RAB2A: variants seen among roughly 807,000 people sequenced by gnomAD.
RAB2A encodes RAB2A, member RAS oncogene family.
Under a neutral mutation model 32.5 loss-of-function variants are expected in RAB2A, and 7 were observed. The observed-to-expected ratio is 0.22, with a 90% CI of 0.12 to 0.40. The LOEUF (loss-of-function observed/expected upper bound fraction) is 0.40, where lower values mean the gene tolerates loss of function less well. Among genes scored for constraint, RAB2A ranks in the 10% least tolerant of loss-of-function variants. The pLI is 1.00. For missense variants in RAB2A, 108 were observed against 260.7 expected, an observed-to-expected ratio of 0.41 and a Z score of 4.03; for synonymous variants, 79 against 85.2, an observed-to-expected ratio of 0.93 and a Z score of 0.40.
chr8:60,556,459 T>TA (rs1807939647), intron 1 of RAB2A, among the ~76,000 whole-genome samples: 1 of 151,968 alleles, frequency 6.6e-6, no homozygotes, highest in South Asian at 2.1e-4. Context: ...ATATCACTCT[T>TA]ATAAATAAGT....
At chr8:60,605,783 A>C (rs762772821) in intron 6 of RAB2A, among the ~76,000 whole-genome samples, 12 of 149,928 alleles carry the variant, frequency 8.0e-5, no homozygotes, top group Non-Finnish European at 1.6e-4. Flanking sequence ...TGTATCTTGA[A>C]AGTAGCTAAC....
At chr8:60,587,349 A>C (rs946849638) in intron 5 of RAB2A, among the ~76,000 whole-genome samples, 7 of 152,220 alleles carry the variant, frequency 4.6e-5, no homozygotes, top group Non-Finnish European at 8.8e-5. Flanking sequence ...TATACCATTT[A>C]CAAAAATTAA....
intron 2 of RAB2A, among the ~76,000 whole-genome samples, chr8:60,566,810 G>A (rs1190694354): frequency 6.6e-6 from 1 of 152,000 alleles, no homozygotes; most frequent in Non-Finnish European, 1.5e-5. Context: ...CCATCTTTAT[G>A]TCTGTCTGTA....
At chr8:60,588,197 C>T (rs1803879707) in intron 5 of RAB2A, among the ~76,000 whole-genome samples, 1 of 152,110 alleles carries the variant, frequency 6.6e-6, no homozygotes, top group South Asian at 2.1e-4. Flanking sequence ...GTGGTAGGAT[C>T]ACTTAAGCCT....
chr8:60,549,421 C>T (rs544406176), intron 1 of RAB2A, among the ~76,000 whole-genome samples: 3 of 152,036 alleles, frequency 2.0e-5, no homozygotes, highest in East Asian at 3.9e-4. Context: ...GCGGATCACT[C>T]GCGGTTAGGA....
At position 60,543,331 on chromosome 8, in the gene RAB2A, G is replaced by A. The variant is rs543999477; in HGVS notation, c.47-15521G>A. Among the ~76,000 whole-genome samples the A allele has an allele frequency of 4.3e-5, 6 of 139,024 alleles. No homozygotes were observed. The South Asian group carries it at 6.4e-4, about 15-fold the overall frequency. The allele number at this position is 139,024 out of a possible 152,430, so 91.2% of individuals were successfully genotyped here. A position where few individuals can be genotyped will look rare whatever the true frequency, so the allele number is the denominator to read the frequency against. ...CTTCCAGCTTGTGGTGGCTCCAAGC[G>A]TTCATTGGCTTCTGGCAGCAGAACT... On this transcript the variant is annotated intron_variant, in intron 1 of 7. Transcript: ENST00000262646.
chr8:60,573,763 T>C (rs1808229382), intron 3 of RAB2A, among the ~76,000 whole-genome samples: 1 of 152,262 alleles, frequency 6.6e-6, no homozygotes, highest in South Asian at 2.1e-4. Flanking sequence ...AAACATTTTC[T>C]ACTTCTGTAT....
intron 2 of RAB2A, among the ~76,000 whole-genome samples, chr8:60,561,726 T>C (rs1217544028): frequency 6.6e-6 from 1 of 152,206 alleles, no homozygotes; most frequent in Non-Finnish European, 1.5e-5. Flanking sequence ...GGCTCACTTA[T>C]CTCTTGTTCT....
intron 2 of RAB2A, among the ~76,000 whole-genome samples, chr8:60,562,318 TA>T (rs60440859): frequency 0.063 from 9,584 of 152,248 alleles, 788 homozygotes; most frequent in African/African-American, 0.19. Flanking sequence ...CCATTGTTCA[TA>T]ATCAGGATTA....
chr8:60,606,871 C>T (rs1586112242), intron 6 of RAB2A, among the ~76,000 whole-genome samples: 1 of 152,210 alleles, frequency 6.6e-6, no homozygotes. Context: ...GTTCTTCCCT[C>T]TTAGGGCCTC....
chr8:60,547,460 C>T (rs1807751731), intron 1 of RAB2A, among the ~76,000 whole-genome samples: 1 of 152,032 alleles, frequency 6.6e-6, no homozygotes, highest in Non-Finnish European at 1.5e-5. Flanking sequence ...TCCTCACTTC[C>T]CAGTAGGCGC....
intron 2 of RAB2A, among the ~76,000 whole-genome samples, chr8:60,562,724 AT>A (rs1808042757): frequency 6.6e-6 from 1 of 152,170 alleles, no homozygotes; most frequent in African/African-American, 2.4e-5. Context: ...CTTAATGTTC[AT>A]TGTCGATAAT....
chr8:60,615,875 TAGTC>T (rs967410750), intron 6 of RAB2A, among the ~76,000 whole-genome samples: 1 of 152,188 alleles, frequency 6.6e-6, no homozygotes, highest in Non-Finnish European at 1.5e-5. Context: ...TCATTAAAAT[TAGTC>T]ATTAATCACT....
At position 60,517,127 on chromosome 8, in the gene RAB2A, A is replaced by G; in HGVS notation, c.-81A>G. The stretch of plus-strand genomic sequence containing the variant: ...GGCGGCGCCTGGCGTTTCGAGGCTG[A>G]GCGGCACCGGGGTTGGGGCGCGGAG... On this transcript the variant is annotated 5_prime_UTR_variant, in exon 1 of 8. Coordinates refer to ENST00000262646, the MANE Select transcript of RAB2A (RefSeq NM_002865.3). The G allele has an allele frequency of 7.2e-7, 1 of 1,389,614 alleles. No individual in the cohort carries two copies. The highest frequency in any genetic ancestry group is 9.5e-7 in the Non-Finnish European group (1 of 1,052,900). 86.1% of individuals were successfully genotyped at this position (1,389,614 alleles called of 1,614,324 possible).
chr8:60,617,018 T>C (rs913470309), intron 6 of RAB2A, among the ~76,000 whole-genome samples: 6 of 152,226 alleles, frequency 3.9e-5, no homozygotes, highest in Non-Finnish European at 8.8e-5. Flanking sequence ...TTAAATTAGG[T>C]CTGTATCAGT....
intron 2 of RAB2A, among the ~76,000 whole-genome samples, chr8:60,567,111 CT>C (rs988519189): frequency 2.0e-4 from 29 of 147,756 alleles, no homozygotes; most frequent in African/African-American, 5.4e-4. Flanking sequence ...GTTCATCTTT[CT>C]TTTTTTCTTT....
chr8:60,552,952 T>C (rs1482350927), intron 1 of RAB2A: 5 of 152,226 alleles, frequency 3.3e-5, no homozygotes, highest in African/African-American at 1.2e-4. Flanking sequence ...CGTTCTGTTA[T>C]GGGAGAGCCT....
intron 6 of RAB2A, among the ~76,000 whole-genome samples, chr8:60,603,361 G>A (rs543051441): frequency 6.6e-6 from 1 of 152,322 alleles, no homozygotes; most frequent in East Asian, 1.9e-4. Context: ...AACTGTTACA[G>A]TTCCCTGTAA....
chr8:60,550,595 C>A (rs1262184251), intron 1 of RAB2A, among the ~76,000 whole-genome samples: 1 of 152,022 alleles, frequency 6.6e-6, no homozygotes, highest in Non-Finnish European at 1.5e-5. Flanking sequence ...CCATGTAGTC[C>A]AGGCTGGTCT....
Sources: gnomAD v4.1 joint callset for allele counts (sites outside exome capture counted in the v4.1 genomes callset) on GRCh38, gnomAD v4.1.1 for gene constraint, MANE v1.5 for transcripts, NCBI Gene and HGNC (gene_info 2026-07-23, HGNC 2026-07-21) for gene names.